The following SMARCB1 variants were observed in gnomAD, a reference collection of about 807,000 sequenced individuals.
SMARCB1 encodes the protein SWI/SNF-related matrix-associated actin-dependent regulator of chromatin subfamily B member 1.
In SMARCB1, 5 loss-of-function variants were observed where a neutral mutation model predicts 49.0. The ratio of observed to expected loss-of-function variants is 0.10; its 90% CI spans 0.05 to 0.21. The LOEUF (loss-of-function observed/expected upper bound fraction) is 0.21, where lower values mean the gene tolerates loss of function less well. Among genes scored for constraint, SMARCB1 ranks in the 10% least tolerant of loss-of-function variants. The pLI is 1.00. For missense variants in SMARCB1, 226 were observed against 509.2 expected (o/e 0.44, Z 5.35); for synonymous variants, 201 against 200.1 (o/e 1.00, Z -0.04).
At chr22:23,799,679 A>ATTTTTTTTTTTTTTTTTTTT (rs71184912) in intron 3 of SMARCB1, among the ~76,000 whole-genome samples, 17 of 68,416 alleles carry the variant, frequency 2.5e-4, no homozygotes, top group South Asian at 6.6e-4. Flanking sequence ...CACCTGGCTA[A>ATTTTTTTTTTTTTTTTTTTT]TTTTTTTTTT....
rs2030327999 is a variant in SMARCB1, at chr22:23,825,376, G to A, written c.947G>A (p.Arg316Gln). 1 of 1,613,942 alleles carries A rather than the reference G, an allele frequency of 6.2e-7. No homozygotes were observed. Among genetic ancestry groups the A allele is most frequent in the Admixed American group, 1.7e-5 (1 of 60,000 alleles). Reference sequence around the variant, plus strand: ...GTCACCACCATCGCATACAGCATCCGGGGACAGCTGAGCTGGCATCAGAAG... The same window carrying A: ...GTCACCACCATCGCATACAGCATCCAGGGACAGCTGAGCTGGCATCAGAAG... ...EFVTTIAYSI[R>Q]GQLSWHQKTY... The change falls in exon 7 of 9, where the codon CGG (arginine) becomes CAG (glutamine). Residue 316 changes from arginine (R) to glutamine (Q), a missense_variant. Arg to Gln is a conservative substitution (Grantham distance 43, BLOSUM62 1). Around this residue, in one of 6 missense-constraint regions of SMARCB1, gnomAD observed 35 missense variants for 107.2 expected, o/e 0.33. Transcript: ENST00000644036.
rs189751658 is a variant in SMARCB1, at chr22:23,810,642, T to A, written c.629-6128T>A. 6.1e-4 allele frequency among the ~76,000 whole-genome samples: 92 copies of A among 151,978 alleles called. 1 individual carries two copies. The highest frequency in any genetic ancestry group is 9.4e-4 in the Non-Finnish European group (64 of 67,968). ...AAAAATGTAGATAAATAAAATAGAC[T>A]TTCCTCTCCTCTTGGGTTTAACAAA... On this transcript the variant is annotated intron_variant, in intron 5 of 8. Transcript: ENST00000644036.
intron 5 of SMARCB1, chr22:23,804,220 A>G (rs1057369775): frequency 6.6e-6 from 1 of 150,718 alleles, no homozygotes; most frequent in Admixed American, 6.6e-5. Flanking sequence ...TTTTTTTTTT[A>G]AGAGACAGAG....
chr22:23,787,285 C>G (rs752964926), intron 1 of SMARCB1, 23 bp downstream of exon 1: 1 of 1,465,882 alleles, frequency 6.8e-7, no homozygotes. Flanking sequence ...GCGTTCTCGC[C>G]CTCCCCGGGC....
Position 23,834,131 on chromosome 22 carries a change from C to T in SMARCB1, c.1119-10C>T, listed in dbSNP as rs1385646779. 2 of 1,585,396 alleles carry T rather than the reference C, an allele frequency of 1.3e-6. No individual in the cohort carries two copies. The highest frequency in any genetic ancestry group is 1.3e-5 in the African/African-American group (1 of 74,098). On this transcript the variant is annotated splice_polypyrimidine_tract_variant and intron_variant, in intron 8 of 8. Transcript: ENST00000644036. Reference sequence around the variant, plus strand: ...GCCCCGACTCATTGCCCTCCCCACTCCTCTTCCAGGCGGATGAGGCGTCTT... The same window carrying T: ...GCCCCGACTCATTGCCCTCCCCACTTCTCTTCCAGGCGGATGAGGCGTCTT...
At chr22:23,809,008 AT>A (rs1439018449) in intron 5 of SMARCB1, among the ~76,000 whole-genome samples, 6 of 151,078 alleles carry the variant, frequency 4.0e-5, no homozygotes, top group Admixed American at 3.3e-4. Flanking sequence ...AATTTTTTGT[AT>A]TTTTTAGTAG....
intron 7 of SMARCB1, among the ~76,000 whole-genome samples, chr22:23,831,956 C>T (rs1322576648): frequency 6.6e-6 from 1 of 152,174 alleles, no homozygotes; most frequent in Non-Finnish European, 1.5e-5. Context: ...CCAGTACGAG[C>T]TTGAGCTTCT....
Position 23,787,045 on chromosome 22 carries a change from G to C in SMARCB1, c.-125G>C, listed in dbSNP as rs955005597. ...GCTGAGGAGCCCGGCTGAGGCGCCA[G>C]TACCCGGCCCGGTCCGCATTTCGCC... On this transcript the variant is annotated 5_prime_UTR_variant, in exon 1 of 9. Transcript: ENST00000644036. 1.6e-6 allele frequency: 1 copy of C among 644,010 alleles called. No individual in the cohort carries two copies. The highest frequency in any genetic ancestry group is 1.7e-5 in the South Asian group (1 of 57,952). 39.9% of individuals were successfully genotyped at this position (644,010 alleles called of 1,614,324 possible).
At position 23,821,489 on chromosome 22, in the gene SMARCB1, C is replaced by T. The variant is rs369980542; in HGVS notation, c.796-3736C>T. On this transcript the variant is annotated intron_variant, in intron 6 of 8. Coordinates refer to ENST00000644036, the MANE Select transcript of SMARCB1 (RefSeq NM_003073.5). Reference sequence around the variant, plus strand: ...GGTTCAAGTTATCCTGCCATCTTGGCCTCCTGAGTAGTTGGAACTATAAGC... The same window carrying T: ...GGTTCAAGTTATCCTGCCATCTTGGTCTCCTGAGTAGTTGGAACTATAAGC... Among the ~76,000 whole-genome samples, 14 of 152,044 alleles carry T rather than the reference C, an allele frequency of 9.2e-5. 1 individual carries two copies. The East Asian group carries it at 1.2e-3, about 13-fold the overall frequency.
Position 23,835,449 on chromosome 22 carries a change from G to A in SMARCB1, c.*1269G>A, listed in dbSNP as rs28713336. The A allele has an allele frequency of 0.12, 114,881 of 986,042 alleles. 6,962 individuals carry two copies. The highest frequency in any genetic ancestry group is 0.25 in the South Asian group (5,339 of 21,304). The allele number at this position is 986,042 out of a possible 1,614,324, so 61.1% of individuals were successfully genotyped here. ...CCCTGGAAGTGGGGTAGGGCCCCAT[G>A]TGGGGCAGAGGCAGAGCTCTGATTA... On this transcript the variant is annotated 3_prime_UTR_variant, in exon 9 of 9. Transcript: ENST00000644036.
At chr22:23,801,996 T>C in intron 4 of SMARCB1, 1 of 158,134 alleles carries the variant, frequency 6.3e-6, no homozygotes, top group Non-Finnish European at 1.4e-5. Context: ...TGCCTTTTCC[T>C]CACACAGCAA....
Position 23,837,623 on chromosome 22 carries a change from C to T in SMARCB1, c.*3443C>T. The T allele has an allele frequency of 6.3e-7, 1 of 1,593,924 alleles. No individual in the cohort carries two copies. The highest frequency in any genetic ancestry group is 8.6e-7 in the Non-Finnish European group (1 of 1,167,344). ...AGCAGCGTGTCCTGAGGGGAGTGGCCAGCCTGGGGCGGACTAGATGTACCG... is the reference window on the plus strand; with the variant it reads ...AGCAGCGTGTCCTGAGGGGAGTGGCTAGCCTGGGGCGGACTAGATGTACCG... On this transcript the variant is annotated 3_prime_UTR_variant, in exon 9 of 9. Transcript: ENST00000644036.
chr22:23,790,721 T>C (rs1428810563), intron 1 of SMARCB1, among the ~76,000 whole-genome samples: 2 of 152,070 alleles, frequency 1.3e-5, no homozygotes, highest in African/African-American at 4.8e-5. Context: ...CAAGCAACTA[T>C]AGTCCCAGCT....
chr22:23,833,009 G>T (rs1335739224), intron 7 of SMARCB1, among the ~76,000 whole-genome samples: 1 of 152,166 alleles, frequency 6.6e-6, no homozygotes, highest in Non-Finnish European at 1.5e-5. Flanking sequence ...CAGCCTCTCG[G>T]GGGTTTTGTT....
At position 23,837,275 on chromosome 22, in the gene SMARCB1, C is replaced by T. The variant is rs1249598310; in HGVS notation, c.*3095C>T. ...CCTGCAGGCCCCACAGCATGAGTGC[C>T]CCAAAGCCTTGCACAGAGTGCCAGC... On this transcript the variant is annotated 3_prime_UTR_variant, in exon 9 of 9. Coordinates refer to ENST00000644036, the MANE Select transcript of SMARCB1 (RefSeq NM_003073.5). 3.9e-6 allele frequency: 5 copies of T among 1,297,188 alleles called. No individual in the cohort carries two copies. Among genetic ancestry groups the T allele is most frequent in the Non-Finnish European group, 5.4e-6 (5 of 932,640 alleles). 80.4% of individuals were successfully genotyped at this position (1,297,188 alleles called of 1,614,324 possible).
At chr22:23,812,119 G>A (rs1929904684) in intron 5 of SMARCB1, among the ~76,000 whole-genome samples, 1 of 152,104 alleles carries the variant, frequency 6.6e-6, no homozygotes, top group South Asian at 2.1e-4. Context: ...GATAATTTGA[G>A]TTGCCCTATA....
At chr22:23,833,857 C>T (rs1854604139) in intron 8 of SMARCB1, among the ~76,000 whole-genome samples, 154 bp downstream of exon 8, 1 of 152,214 alleles carries the variant, frequency 6.6e-6, no homozygotes, top group Non-Finnish European at 1.5e-5. Context: ...GATAAGGCCC[C>T]ATCCAAACGC....
chr22:23,837,405 AC>A lies in SMARCB1; in HGVS notation c.*3228del, dbSNP rs2031154831. On this transcript the variant is annotated 3_prime_UTR_variant, in exon 9 of 9. Transcript: ENST00000644036. ...GAGGAGTGGGAGCCATGGGGCAGGA[AC>A]CCTGACCCTCCCATCCTCACTCCCA... 1.1e-5 allele frequency: 7 copies of A among 644,646 alleles called. No homozygotes were observed. The highest frequency in any genetic ancestry group is 1.6e-5 in the Non-Finnish European group (6 of 377,448). 39.9% of individuals were successfully genotyped at this position (644,646 alleles called of 1,614,324 possible).
intron 7 of SMARCB1, among the ~76,000 whole-genome samples, chr22:23,832,485 T>G (rs17003991): frequency 6.6e-6 from 1 of 151,956 alleles, no homozygotes; most frequent in African/African-American, 2.4e-5. Flanking sequence ...CCCAGGGGAC[T>G]GAGCCTAGGG....
Sources: gnomAD v4.1 joint callset for allele counts (sites outside exome capture counted in the v4.1 genomes callset) on GRCh38, gnomAD v4.1.1 for gene constraint, gnomAD v4.1.1 regional missense constraint, MANE v1.5 for transcripts, NCBI Gene and HGNC (gene_info 2026-07-23, HGNC 2026-07-21) for gene names.